Variants in ADGRB1 observed in about 807,000 individuals in gnomAD.
The protein encoded by ADGRB1 is adhesion G protein-coupled receptor B1.
ADGRB1 carries 36 observed loss-of-function variants against 175.7 expected under a neutral mutation model. The ratio of observed to expected loss-of-function variants is 0.20; its 90% CI spans 0.16 to 0.27. The LOEUF (loss-of-function observed/expected upper bound fraction) is 0.27. ADGRB1 is among the 10% of genes least tolerant of loss of function. The probability of loss-of-function intolerance (pLI) is 1.00; values close to 1 mark genes in which losing one functional copy is unlikely to be tolerated. For missense variants in ADGRB1, 1,731 were observed against 2,255.3 expected (o/e 0.77, Z 4.71); for synonymous variants, 1,054 against 979.4 (o/e 1.08, Z -1.42).
chr8:142,528,760 T>G (rs1844399758), intron 24 of ADGRB1, among the ~76,000 whole-genome samples: 1 of 152,170 alleles, frequency 6.6e-6, no homozygotes, highest in Non-Finnish European at 1.5e-5. Context: ...CCGTCCACTC[T>G]GGGTTTCTAG....
At chr8:142,515,646 G>C in intron 18 of ADGRB1, among the ~76,000 whole-genome samples, 1 of 152,114 alleles carries the variant, frequency 6.6e-6, no homozygotes, top group Non-Finnish European at 1.5e-5. Flanking sequence ...TCTCCCACCT[G>C]TCCCTGTCCA....
In ADGRB1 at chr8:142,543,311, G is replaced by C. The variant is rs950268959; in HGVS notation, c.4414-92G>C. On this transcript the variant is annotated intron_variant, in intron 28 of 30. Coordinates refer to ENST00000517894, the MANE Select transcript of ADGRB1 (RefSeq NM_001702.3). This position sits in a 1 kb window ranked among gnomAD's most constrained non-coding sequence, Gnocchi z 4.4. Reference sequence around the variant, plus strand: ...GTCCCTGAAGGCAGGCATGGGGCGAGTGAGTCCCTGATGCCCTCAGTCTGA... The same window carrying C: ...GTCCCTGAAGGCAGGCATGGGGCGACTGAGTCCCTGATGCCCTCAGTCTGA... 2 of 1,538,654 alleles carry C rather than the reference G, an allele frequency of 1.3e-6. No homozygotes were observed. The highest frequency in any genetic ancestry group is 2.7e-5 in the African/African-American group (2 of 73,240).
intron 1 of ADGRB1, among the ~76,000 whole-genome samples, chr8:142,460,337 G>T (rs973459266): frequency 6.6e-6 from 1 of 152,236 alleles, no homozygotes; most frequent in African/African-American, 2.4e-5. Context: ...AACGGCCTGG[G>T]CTCCTGCCCA....
At chr8:142,513,706 A>C (rs937411719) in intron 18 of ADGRB1, among the ~76,000 whole-genome samples, 2 of 152,060 alleles carry the variant, frequency 1.3e-5, no homozygotes, top group African/African-American at 4.8e-5. Context: ...TGTGGGGAGA[A>C]GTGCACGGGG....
chr8:142,485,565 T>G (rs549497468), intron 13 of ADGRB1, among the ~76,000 whole-genome samples: 2 of 152,086 alleles, frequency 1.3e-5, no homozygotes, highest in African/African-American at 4.8e-5. Flanking sequence ...GGAGGGAGAG[T>G]GTCACCTCCC....
chr8:142,524,370 T>C lies in ADGRB1; in HGVS notation c.3312+66T>C, dbSNP rs1338715565. The C allele has an allele frequency of 6.1e-6, 9 of 1,469,540 alleles. No individual in the cohort carries two copies. The African/African-American group carries it at 8.3e-5, about 14-fold the overall frequency. 91.0% of individuals were successfully genotyped at this position (1,469,540 alleles called of 1,614,324 possible). A position where few individuals can be genotyped will look rare whatever the true frequency, so the allele number is the denominator to read the frequency against. On this transcript the variant is annotated intron_variant, in intron 23 of 30. Transcript: ENST00000517894. ...GGGCCCCCCACCTGCCTCCTGGGCCTCGGTGCTGTCTCATGCCCCAGGCTG... is the reference window on the plus strand; with the variant it reads ...GGGCCCCCCACCTGCCTCCTGGGCCCCGGTGCTGTCTCATGCCCCAGGCTG...
chr8:142,539,307 T>G, intron 26 of ADGRB1, 67 bp from the exon 27 acceptor site: 2 of 1,510,786 alleles, frequency 1.3e-6, no homozygotes, highest in Non-Finnish European at 1.8e-6. Context: ...CCGAGCGGTC[T>G]GTGCACGCGT....
rs370663426 is a variant in ADGRB1, at chr8:142,543,320, T to C, written c.4414-83T>C. 3.0e-3 allele frequency: 4,704 copies of C among 1,569,218 alleles called. 42 individuals are homozygous for C. Among genetic ancestry groups the C allele is most frequent in the South Asian group, 0.024 (2,114 of 87,166 alleles). ...GGCAGGCATGGGGCGAGTGAGTCCC[T>C]GATGCCCTCAGTCTGAGGCAGGGAG... On this transcript the variant is annotated intron_variant, in intron 28 of 30. Transcript: ENST00000517894. This position sits in a 1 kb window ranked among gnomAD's most constrained non-coding sequence, Gnocchi z 4.4.
intron 9 of ADGRB1, among the ~76,000 whole-genome samples, chr8:142,480,989 C>A (rs548326646): frequency 1.3e-5 from 2 of 152,336 alleles, no homozygotes; most frequent in African/African-American, 4.8e-5. Context: ...CCTGCTCGGC[C>A]GAGATCTCCA....
chr8:142,455,332 CCTGT>C lies in ADGRB1; in HGVS notation c.-220+5230_-220+5233del, dbSNP rs1474643407. ...GTCACCTTGGCCCCCACCTTAGGCT[CCTGT>C]CCCCTTCACTCGCCCCCATGGCTGT... is the stretch of plus-strand genomic sequence containing the variant. On this transcript the variant is annotated intron_variant, in intron 1 of 30. Coordinates refer to ENST00000517894, the MANE Select transcript of ADGRB1 (RefSeq NM_001702.3). The surrounding 1 kb of genome is among the most constrained non-coding windows in gnomAD (Gnocchi z 4.9). Among the ~76,000 whole-genome samples, 1 of 152,096 alleles carries C rather than the reference CCTGT, an allele frequency of 6.6e-6. No individual in the cohort carries two copies. The highest frequency in any genetic ancestry group is 1.5e-5 in the Non-Finnish European group (1 of 68,032).
intron 25 of ADGRB1, 132 bp downstream of exon 25, chr8:142,533,598 C>A (rs1844753630): frequency 1.8e-6 from 2 of 1,093,656 alleles, no homozygotes; most frequent in Non-Finnish European, 2.5e-6. Context: ...GACACATCTG[C>A]AGGCCTCGGT....
intron 25 of ADGRB1, among the ~76,000 whole-genome samples, chr8:142,535,604 C>T (rs1050679800): frequency 6.6e-6 from 1 of 152,186 alleles, no homozygotes; most frequent in Non-Finnish European, 1.5e-5. Flanking sequence ...GCAGCCCAGC[C>T]GGCCCTGTGG....
At chr8:142,470,541 C>G (rs1840605873) in intron 2 of ADGRB1, among the ~76,000 whole-genome samples, 1 of 150,964 alleles carries the variant, frequency 6.6e-6, no homozygotes, top group African/African-American at 2.4e-5. Context: ...GTGTGTGTCC[C>G]TGTGTGTGTG....
chr8:142,477,603 A>G, intron 6 of ADGRB1, 54 bp downstream of exon 6: 8 of 1,564,596 alleles, frequency 5.1e-6, no homozygotes, highest in Non-Finnish European at 6.9e-6. Flanking sequence ...AGGGGAGGTC[A>G]CAGTGGGCCA....
chr8:142,539,813 T>G, intron 27 of ADGRB1: 4 of 273,754 alleles, frequency 1.5e-5, no homozygotes, highest in East Asian at 8.4e-5. Context: ...CACCGCCCTC[T>G]AGCACCTGTG....
At chr8:142,534,539 C>T (rs1844816694) in intron 25 of ADGRB1, among the ~76,000 whole-genome samples, 1 of 152,182 alleles carries the variant, frequency 6.6e-6, no homozygotes, top group South Asian at 2.1e-4. Context: ...GAACGCCCCT[C>T]TCAAGGCAAT....
intron 7 of ADGRB1, chr8:142,479,096 G>C (rs951261151): frequency 4.9e-5 from 22 of 451,686 alleles, no homozygotes; most frequent in Non-Finnish European, 7.6e-5. Flanking sequence ...TGGTGGGGTT[G>C]GCTGCATGTG....
chr8:142,476,743 A>T, intron 4 of ADGRB1, 48 bp downstream of exon 4: 1 of 1,470,282 alleles, frequency 6.8e-7, no homozygotes, highest in Middle Eastern at 1.9e-4. Context: ...TTGGGAAAAT[A>T]CTGTAAGTTA....
At position 142,489,141 on chromosome 8, in the gene ADGRB1, G is replaced by A. The variant is rs1452049241; in HGVS notation, c.2528+31G>A. The A allele has an allele frequency of 5.7e-6, 9 of 1,581,510 alleles. No homozygotes were observed. The Middle Eastern group carries it at 6.6e-4, about 117-fold the overall frequency. ...GAGCCCTGGGCAGGTGGGGTGGGCAGTGCAGGGCAGGTGGGGTGGGCAGGA... is the reference window on the plus strand; with the variant it reads ...GAGCCCTGGGCAGGTGGGGTGGGCAATGCAGGGCAGGTGGGGTGGGCAGGA... On this transcript the variant is annotated intron_variant, in intron 15 of 30. Coordinates refer to ENST00000517894, the MANE Select transcript of ADGRB1 (RefSeq NM_001702.3).
Sources: gnomAD v4.1 joint callset for allele counts (sites outside exome capture counted in the v4.1 genomes callset) on GRCh38, gnomAD v4.1.1 for gene constraint, Gnocchi (gnomAD v3.1) non-coding constraint, MANE v1.5 for transcripts, NCBI Gene and HGNC (gene_info 2026-07-23, HGNC 2026-07-21) for gene names.